Variants in LGALS12 observed in about 807,000 individuals in gnomAD.
The protein encoded by LGALS12 is galectin 12.
A neutral mutation model predicts 36.8 loss-of-function variants in LGALS12; 36 were observed. The observed-to-expected ratio is 0.98, with a 90% CI of 0.75 to 1.29. The LOEUF (loss-of-function observed/expected upper bound fraction) is 1.29, where lower values mean the gene tolerates loss of function less well. LGALS12 is among the 50% of genes most tolerant of loss of function. The probability of loss-of-function intolerance (pLI) is 0.00; values close to 1 mark genes in which losing one functional copy is unlikely to be tolerated. For synonymous variants in LGALS12, 145 were observed against 155.9 expected (o/e 0.93, Z 0.52); for missense variants, 366 against 394.3 (o/e 0.93, Z 0.61).
chr11:63,515,464 TTC>T (rs1396274983), intron 7 of LGALS12, 97 bp from the exon 8 acceptor site: 2 of 1,421,186 alleles, frequency 1.4e-6, no homozygotes. Flanking sequence ...CAGCTCAACC[TTC>T]CATCCACTCC....
chr11:63,510,826 G>A (rs2016896802), intron 5 of LGALS12, among the ~76,000 whole-genome samples: 1 of 152,186 alleles, frequency 6.6e-6, no homozygotes, highest in Non-Finnish European at 1.5e-5. Context: ...GGGACAGAAG[G>A]GGAGATGAGG....
intron 8 of LGALS12, 131 bp from the exon 9 acceptor site, chr11:63,516,116 C>T: frequency 1.7e-6 from 2 of 1,154,828 alleles, no homozygotes; most frequent in Non-Finnish European, 2.4e-6. Flanking sequence ...TTTTCCAGCA[C>T]TGTACTGGGT....
chr11:63,507,731 T>TTC (rs2016784733), intron 1 of LGALS12, among the ~76,000 whole-genome samples: 1 of 133,072 alleles, frequency 7.5e-6, no homozygotes, highest in African/African-American at 2.7e-5. Flanking sequence ...ACTTCTTTTT[T>TTC]TTTTTTTTTT....
At chr11:63,511,913 C>A in intron 7 of LGALS12, 73 bp downstream of exon 7, 1 of 944,376 alleles carries the variant, frequency 1.1e-6, no homozygotes. Context: ...AAAACATCAT[C>A]TCTTTTAATC....
intron 7 of LGALS12, among the ~76,000 whole-genome samples, chr11:63,513,673 C>A (rs1833740760): frequency 6.6e-6 from 1 of 152,210 alleles, no homozygotes; most frequent in African/African-American, 2.4e-5. Context: ...GTGAAAGCAA[C>A]TGATGGCTTG....
Position 63,508,859 on chromosome 11 carries a change from C to T in LGALS12, c.240C>T (p.Thr80=). The change falls in exon 3 of 9, where the codon ACC becomes ACT. Residue 80 remains threonine (T), a synonymous_variant. Transcript: ENST00000394618. Reference sequence around the variant, plus strand: ...TCCACTTCAACCCTCGCTTCCATACCACCAAGCCCCATGTCATCTGCAACA... The same window carrying T: ...TCCACTTCAACCCTCGCTTCCATACTACCAAGCCCCATGTCATCTGCAACA... The part of the protein sequence containing the change: ...IAFHFNPRFH[T]TKPHVICNTL... 6.2e-7 allele frequency: 1 copy of T among 1,614,232 alleles called. No individual in the cohort carries two copies. The highest frequency in any genetic ancestry group is 1.3e-5 in the African/African-American group (1 of 75,058).
chr11:63,507,908 T>C lies in LGALS12; in HGVS notation c.70-645T>C, dbSNP rs548653973. 1,291 of 377,228 alleles carry C rather than the reference T, an allele frequency of 3.4e-3. 1 individual carries two copies. Among genetic ancestry groups the C allele is most frequent in the Non-Finnish European group, 4.2e-3 (1,148 of 274,240 alleles). The allele number at this position is 377,228 out of a possible 1,614,324, so 23.4% of individuals were successfully genotyped here. ...GCATGCCACCACACCCAGCTAATTT[T>C]TGTATTTTTAGTAGAGATAGGGTTT... On this transcript the variant is annotated intron_variant, in intron 1 of 8. Coordinates refer to ENST00000394618, the MANE Select transcript of LGALS12 (RefSeq NM_033101.4).
intron 4 of LGALS12, 88 bp from the exon 5 acceptor site, chr11:63,510,375 A>G: frequency 7.5e-7 from 1 of 1,334,000 alleles, no homozygotes; most frequent in South Asian, 1.2e-5. Flanking sequence ...GGAGCTGTAA[A>G]GGCCAGGGCT....
intron 1 of LGALS12, among the ~76,000 whole-genome samples, chr11:63,507,713 G>A (rs747359459): frequency 2.1e-5 from 3 of 145,516 alleles, no homozygotes; most frequent in Non-Finnish European, 3.0e-5. Flanking sequence ...TTTTAGGAAG[G>A]CCAGGCAACT....
At chr11:63,508,381 G>A (rs1268162387) in intron 1 of LGALS12, 172 bp from the exon 2 acceptor site, 20 of 1,444,716 alleles carry the variant, frequency 1.4e-5, no homozygotes, top group Middle Eastern at 4.8e-4. Flanking sequence ...CAGGAAAGGG[G>A]ATTAGGTGGA....
chr11:63,516,315 C>T lies in LGALS12; in HGVS notation c.867C>T (p.Ser289=). The T allele has an allele frequency of 6.2e-7, 1 of 1,612,904 alleles. No individual in the cohort carries two copies. Among genetic ancestry groups the T allele is most frequent in the African/African-American group, 1.3e-5 (1 of 74,968 alleles). Reference sequence around the variant, plus strand: ...ATGGGCAGGGGCTGGGGGCCACCAGCATGAACCAGCAGGCCCTGGAGCAGC... The same window carrying T: ...ATGGGCAGGGGCTGGGGGCCACCAGTATGAACCAGCAGGCCCTGGAGCAGC... ...ALNGQGLGAT[S]MNQQALEQLR... Residue 289 remains serine, a synonymous_variant, in exon 9 of 9, where the codon AGC becomes AGT. Coordinates refer to ENST00000394618, the MANE Select transcript of LGALS12 (RefSeq NM_033101.4).
In LGALS12 at chr11:63,516,349, C is replaced by T; in HGVS notation, c.901C>T (p.Leu301Phe). 1 of 1,613,856 alleles carries T rather than the reference C, an allele frequency of 6.2e-7. No individual in the cohort carries two copies. The highest frequency in any genetic ancestry group is 2.2e-5 in the East Asian group (1 of 44,870). ...NQQALEQLRE[L>F]RISGSVQLYC... Reference sequence around the variant, plus strand: ...GCAGGCCCTGGAGCAGCTGCGGGAGCTCCGGATCAGTGGAAGTGTCCAGCT... The same window carrying T: ...GCAGGCCCTGGAGCAGCTGCGGGAGTTCCGGATCAGTGGAAGTGTCCAGCT... The change falls in exon 9 of 9, where the codon CTC becomes TTC. Residue 301 changes from leucine (L) to phenylalanine (F), a missense_variant. By Grantham distance (22) the Leu-to-Phe change is conservative. Coordinates refer to ENST00000394618, the MANE Select transcript of LGALS12 (RefSeq NM_033101.4).
chr11:63,506,551 ACCTC>A, intron 1 of LGALS12, 24 bp downstream of exon 1: 1 of 1,613,760 alleles, frequency 6.2e-7, no homozygotes, highest in Non-Finnish European at 8.5e-7. Flanking sequence ...CTAATGTGGA[ACCTC>A]CTCGGTCTCT....
At chr11:63,511,055 G>A in intron 5 of LGALS12, 24 bp from the exon 6 acceptor site, 1 of 1,612,676 alleles carries the variant, frequency 6.2e-7, no homozygotes, top group Non-Finnish European at 8.5e-7. Flanking sequence ...ATGGCCTTGT[G>A]TCCTCTCTTT....
chr11:63,515,321 C>T (rs1348157198), intron 7 of LGALS12, among the ~76,000 whole-genome samples: 1 of 152,248 alleles, frequency 6.6e-6, no homozygotes, highest in African/African-American at 2.4e-5. Flanking sequence ...CCACCCCCAT[C>T]CTCCTGTAGT....
At position 63,511,123 on chromosome 11, in the gene LGALS12, C is replaced by T. The variant is rs747274025; in HGVS notation, c.558+18C>T. ...CCAGGCTGGTGAGTGAACCTCCCTC[C>T]TGCTCTGTCAGGGCTGGGGGCGCAG... On this transcript the variant is annotated intron_variant, in intron 6 of 8. Transcript: ENST00000394618. 6.2e-7 allele frequency: 1 copy of T among 1,612,206 alleles called. No homozygotes were observed. The highest frequency in any genetic ancestry group is 2.2e-5 in the East Asian group (1 of 44,894).
chr11:63,512,556 C>T (rs201186729), intron 7 of LGALS12, among the ~76,000 whole-genome samples: 5 of 152,030 alleles, frequency 3.3e-5, no homozygotes, highest in Non-Finnish European at 5.9e-5. Context: ...TTTGGGAGGC[C>T]GAGGCGGGTG....
intron 3 of LGALS12, among the ~76,000 whole-genome samples, chr11:63,509,254 C>T (rs2016842878): frequency 6.6e-6 from 1 of 152,262 alleles, no homozygotes; most frequent in South Asian, 2.1e-4. Flanking sequence ...ATACCAGGAA[C>T]TGTTCTAAGC....
At chr11:63,507,240 C>T (rs778364592) in intron 1 of LGALS12, among the ~76,000 whole-genome samples, 1 of 152,186 alleles carries the variant, frequency 6.6e-6, no homozygotes, top group Admixed American at 6.5e-5. Flanking sequence ...GCCCAGGTTA[C>T]GGCAGCTCCT....
Sources: allele counts gnomAD v4.1 joint callset (sites outside exome capture counted in the v4.1 genomes callset), GRCh38; gene constraint gnomAD v4.1.1; transcripts MANE v1.5; gene names NCBI Gene and HGNC (gene_info 2026-07-23, HGNC 2026-07-21).